IRS4: variants seen among roughly 807,000 people sequenced by gnomAD.
The protein encoded by IRS4 is 160 kDa phosphotyrosine protein.
Under a neutral mutation model 48.6 loss-of-function variants are expected in IRS4, and 15 were observed. The ratio of observed to expected loss-of-function variants is 0.31; its 90% confidence interval spans 0.21 to 0.48. IRS4 has a LOEUF of 0.48. IRS4 is among the 20% of genes least tolerant of loss of function. The probability of loss-of-function intolerance (pLI) is 0.99; values close to 1 mark genes in which losing one functional copy is unlikely to be tolerated. For missense variants in IRS4, 987 were observed against 1,023.4 expected (o/e 0.96, Z 0.49); for synonymous variants, 459 against 413.2 (o/e 1.11, Z -1.34).
rs142024105 is a variant in IRS4 at position 108,734,360 on chromosome X, C to T, written c.1985G>A (p.Gly662Glu). The T allele has an allele frequency of 2.3e-4, 282 of 1,209,145 alleles. No individual in the cohort carries two copies. Among genetic ancestry groups the T allele is most frequent in the Non-Finnish European group, 3.0e-4 (273 of 895,099 alleles). ...GGCTTCTTTGCATTCTTTCGTGGCT[C>T]CTCTGTCAACACAAAAATAAAGTCT... ...RFRLYFCVDR[G>E]ATKECKEAKE... Residue 662 changes from glycine to glutamate, a missense_variant, in exon 1 of 2, where the codon GGA becomes GAA. Transcript: ENST00000372129.
rs1266774847 is a variant in IRS4, at chrX:108,720,097, G to C, written c.*2422C>G. 2 of 111,738 alleles carry C rather than the reference G, an allele frequency of 1.8e-5. No individual in the cohort carries two copies. Among genetic ancestry groups the C allele is most frequent in the Non-Finnish European group, 3.8e-5 (2 of 53,209 alleles). 9.2% of individuals were successfully genotyped at this position (111,738 alleles called of 1,213,427 possible). ...TGTTTACAAGGAAAAGAAAGTACAA[G>C]AGTATTTACAAAGGAAGACAAAGCC... On this transcript the variant is annotated 3_prime_UTR_variant, in exon 2 of 2. Transcript: ENST00000372129.
At chrX:108,724,336 A>G (rs954191362) in intron 1 of IRS4, 1 of 112,386 alleles carries the variant, frequency 8.9e-6, no homozygotes, top group Admixed American at 9.4e-5. Context: ...GTAACTTAAT[A>G]AAAAGTGACA....
At chrX:108,723,869 C>A (rs766740529) in intron 1 of IRS4, 4 of 112,413 alleles carry the variant, frequency 3.6e-5, no homozygotes, top group Non-Finnish European at 7.5e-5. Flanking sequence ...TCTGTGATAA[C>A]CACAGTTAAC....
rs1390887112 is a variant in IRS4 at position 108,734,192 on chromosome X, A to C, written c.2153T>G (p.Met718Arg). 6.6e-6 allele frequency: 8 copies of C among 1,208,907 alleles called. No individual in the cohort carries two copies. The highest frequency in any genetic ancestry group is 5.9e-5 in the East Asian group (2 of 33,681). ...ATPLVSSSDY[M>R]PMAPQNVSAS... ...AGAGACATTTTGAGGAGCCATTGGC[A>C]TATAATCACTGGAGCTTACAAGAGG... The change falls in exon 1 of 2, where the codon ATG becomes AGG. Residue 718 changes from methionine to arginine, a missense_variant. Physicochemically the swap from Met to Arg is moderately conservative, Grantham distance 91 (BLOSUM62 -1). Coordinates refer to ENST00000372129, the MANE Select transcript of IRS4 (RefSeq NM_001379150.1).
At chrX:108,729,703 C>T (rs2068890370) in intron 1 of IRS4, among the ~76,000 whole-genome samples, 1 of 111,846 alleles carries the variant, frequency 8.9e-6, no homozygotes, top group African/African-American at 3.2e-5. Flanking sequence ...TACTTATACG[C>T]AATGTGACTG....
At chrX:108,726,172 T>C (rs960730530) in intron 1 of IRS4, 1 of 112,823 alleles carries the variant, frequency 8.9e-6, no homozygotes, top group African/African-American at 3.2e-5. Flanking sequence ...AATTATCTTG[T>C]AGAAACAATG....
In IRS4 at chrX:108,734,918, C is replaced by T. The variant is rs1280949065; in HGVS notation, c.1427G>A (p.Gly476Asp). 3.3e-6 allele frequency: 4 copies of T among 1,210,396 alleles called. No individual in the cohort carries two copies. Among genetic ancestry groups the T allele is most frequent in the Non-Finnish European group, 4.5e-6 (4 of 895,358 alleles). ...TCCGCTTCCTTCCTGATCTTCTTTG[C>T]CCTGGGGATTGCCTTCCTCCCCAAA... ...GNFGEEGNPQ[G>D]KEDQEGSGGD... Residue 476 changes from glycine to aspartate, a missense_variant, in exon 1 of 2, where the codon GGC becomes GAC. Gly to Asp is a moderately conservative substitution (Grantham distance 94). This residue lies in a region of IRS4 where 720 missense variants were observed against 660.3 expected (regional missense o/e 1.09). Coordinates refer to ENST00000372129, the MANE Select transcript of IRS4 (RefSeq NM_001379150.1).
rs1232865638 is a variant in IRS4 at position 108,722,390 on chromosome X, T to C, written c.*129A>G. 4.0e-6 allele frequency: 1 copy of C among 251,387 alleles called. No homozygotes were observed. The highest frequency in any genetic ancestry group is 7.5e-6 in the Non-Finnish European group (1 of 133,872). The allele number at this position is 251,387 out of a possible 1,213,427, so 20.7% of individuals were successfully genotyped here. Reference sequence around the variant, plus strand: ...TTGCCAGAGTCCACTTGTAGGCTTGTAGAAATTTGGGTTGCTTTCTACTCA... The same window carrying C: ...TTGCCAGAGTCCACTTGTAGGCTTGCAGAAATTTGGGTTGCTTTCTACTCA... On this transcript the variant is annotated 3_prime_UTR_variant, in exon 2 of 2. Coordinates refer to ENST00000372129, the MANE Select transcript of IRS4 (RefSeq NM_001379150.1).
chrX:108,724,579 G>C (rs771010420), intron 1 of IRS4: 1 of 111,684 alleles, frequency 9.0e-6, no homozygotes, highest in Admixed American at 9.6e-5. Flanking sequence ...AAAGAACAGC[G>C]TAAGGAAGCA....
intron 1 of IRS4, among the ~76,000 whole-genome samples, chrX:108,731,004 T>C (rs1180388780): frequency 9.0e-6 from 1 of 111,646 alleles, no homozygotes; most frequent in Non-Finnish European, 1.9e-5. Context: ...ATTTTAAACG[T>C]ATGATTATGG....
In IRS4 at chrX:108,736,542, C is replaced by A; in HGVS notation, c.-198G>T. 2 of 663,532 alleles carry A rather than the reference C, an allele frequency of 3.0e-6. No individual in the cohort carries two copies. Among genetic ancestry groups the A allele is most frequent in the Non-Finnish European group, 4.5e-6 (2 of 444,281 alleles). The allele number at this position is 663,532 out of a possible 1,213,427, so 54.7% of individuals were successfully genotyped here. ...CCACAGCCTCACGCGGCGGCCGCTGCGGATCCTGCTACCGGCGCAATGGAG... is the reference window on the plus strand; with the variant it reads ...CCACAGCCTCACGCGGCGGCCGCTGAGGATCCTGCTACCGGCGCAATGGAG... On this transcript the variant is annotated 5_prime_UTR_variant, in exon 1 of 2. Transcript: ENST00000372129.
Position 108,736,060 on chromosome X carries a change from G to A in IRS4, c.285C>T (p.Tyr95=), listed in dbSNP as rs751878306. Residue 95 remains tyrosine (Y), a synonymous_variant, in exon 1 of 2, where the codon TAC becomes TAT. Transcript: ENST00000372129. The part of the protein sequence containing the change: ...LRKQKHGHRR[Y]FVLKLETADA... ...CAGCAGTCTCGAGTTTGAGCACGAA[G>A]TAGCGCCTGTGCCCATGCTTCTGTT... 2 of 1,208,804 alleles carry A rather than the reference G, an allele frequency of 1.7e-6. No homozygotes were observed. The highest frequency in any genetic ancestry group is 2.2e-5 in the Admixed American group (1 of 45,872).
At position 108,733,905 on chromosome X, in the gene IRS4, G is replaced by A. The variant is rs1367359417; in HGVS notation, c.2440C>T (p.Pro814Ser). Reference protein sequence around the residue: ...SWSSYFSLPNPFRSSPLGQND... With the variant: ...SWSSYFSLPNSFRSSPLGQND... ...TGTCCCAAAGGTGAGCTCCGAAAAG[G>A]GTTTGGTAGAGAGAAGTAGGAGCTC... Residue 814 changes from proline to serine, a missense_variant, in exon 1 of 2, where the codon CCT becomes TCT. Physicochemically the swap from Pro to Ser is moderately conservative, Grantham distance 74 (BLOSUM62 -1). This residue lies in a region of IRS4 where 720 missense variants were observed against 660.3 expected (regional missense o/e 1.09). Coordinates refer to ENST00000372129, the MANE Select transcript of IRS4 (RefSeq NM_001379150.1). The A allele has an allele frequency of 8.3e-7, 1 of 1,211,719 alleles. No homozygotes were observed.
At chrX:108,725,284 C>G (rs948665886) in intron 1 of IRS4, among the ~76,000 whole-genome samples, 2 of 109,948 alleles carry the variant, frequency 1.8e-5, no homozygotes, top group African/African-American at 6.6e-5. Context: ...ATTCTCTTTT[C>G]CCTTTCTGCA....
Position 108,736,311 on chromosome X carries a change from T to C in IRS4, c.34A>G (p.Thr12Ala). The C allele has an allele frequency of 8.3e-7, 1 of 1,211,061 alleles. No individual in the cohort carries two copies. ...GCTGCTGCACCTCTTAGTCTTCTTG[T>C]CGCTTGGTCGCGAGTGAAGGAGCAA... ...ASCSFTRDQATRRLRGAAAAA... is the reference protein window; with the variant it reads ...ASCSFTRDQAARRLRGAAAAA... The change falls in exon 1 of 2, where the codon ACA becomes GCA. Residue 12 changes from threonine (T) to alanine (A), a missense_variant. Coordinates refer to ENST00000372129, the MANE Select transcript of IRS4 (RefSeq NM_001379150.1).
intron 1 of IRS4, among the ~76,000 whole-genome samples, chrX:108,725,359 G>C (rs2068869515): frequency 9.5e-6 from 1 of 105,066 alleles, no homozygotes; most frequent in African/African-American, 3.6e-5. Context: ...TTTTTCAAGG[G>C]TTTTTGCAAA....
Position 108,735,012 on chromosome X carries a change from G to T in IRS4, c.1333C>A (p.His445Asn), listed in dbSNP as rs768715309. 11 of 1,210,358 alleles carry T rather than the reference G, an allele frequency of 9.1e-6. No homozygotes were observed. The South Asian group carries it at 1.2e-4, about 14-fold the overall frequency. Residue 445 changes from histidine to asparagine, a missense_variant, in exon 1 of 2, where the codon CAC becomes AAC. By Grantham distance (68) the His-to-Asn change is moderately conservative. Around this residue, in one of 4 missense-constraint regions of IRS4, gnomAD observed 720 missense variants for 660.3 expected, o/e 1.09. Coordinates refer to ENST00000372129, the MANE Select transcript of IRS4 (RefSeq NM_001379150.1). ...RLAPSPARPR[H>N]PAEAPNNGAR... ...CCATTGTTCGGGGCTTCTGCAGGGTGCCGGGGACGTGCTGGGCTGGGTGCT... is the reference window on the plus strand; with the variant it reads ...CCATTGTTCGGGGCTTCTGCAGGGTTCCGGGGACGTGCTGGGCTGGGTGCT...
intron 1 of IRS4, chrX:108,724,674 G>A (rs1318913032): frequency 8.9e-6 from 1 of 111,760 alleles, no homozygotes; most frequent in Non-Finnish European, 1.9e-5. Flanking sequence ...ATATTAAAGG[G>A]CTAAAAGTCA....
chrX:108,732,915 G>C lies in IRS4; in HGVS notation c.3430C>G (p.Pro1144Ala). 1 of 1,180,524 alleles carries C rather than the reference G, an allele frequency of 8.5e-7. No homozygotes were observed. Among genetic ancestry groups the C allele is most frequent in the South Asian group, 1.9e-5 (1 of 52,736 alleles). ...VAAASALAAA[P>A]GIGAAAAAAG... ...GCTGCGGCTGCTGCGCCGATGCCCG[G>C]GGCTGCGGCGAGCGCGGAGGCCGCA... The change falls in exon 1 of 2, where the codon CCG becomes GCG. Residue 1144 changes from proline (P) to alanine (A), a missense_variant. By Grantham distance (27) the Pro-to-Ala change is conservative (BLOSUM62 -1). This residue lies in a region of IRS4 where 720 missense variants were observed against 660.3 expected (regional missense o/e 1.09). Coordinates refer to ENST00000372129, the MANE Select transcript of IRS4 (RefSeq NM_001379150.1).
Sources: gnomAD v4.1 joint callset for allele counts (sites outside exome capture counted in the v4.1 genomes callset) on GRCh38, gnomAD v4.1.1 for gene constraint, gnomAD v4.1.1 regional missense constraint, MANE v1.5 for transcripts, NCBI Gene and HGNC (gene_info 2026-07-23, HGNC 2026-07-21) for gene names.